Variants in PDZD2 observed in about 807,000 individuals in gnomAD.
The protein encoded by PDZD2 is PDZ domain-containing protein 2.
A neutral mutation model predicts 220.7 loss-of-function variants in PDZD2; 90 were observed. The ratio of observed to expected loss-of-function variants is 0.41; its 90% confidence interval spans 0.34 to 0.49. PDZD2 has a LOEUF of 0.49. Among genes scored for constraint, PDZD2 ranks in the 20% least tolerant of loss-of-function variants. The pLI, the probability that PDZD2 is intolerant of heterozygous loss-of-function variation, is 0.28. For missense variants in PDZD2, 3,174 were observed against 3,608.5 expected, an observed-to-expected ratio of 0.88 and a Z score of 3.08; for synonymous variants, 1,375 against 1,450.5, an observed-to-expected ratio of 0.95 and a Z score of 1.18.
chr5:31,668,226 C>T (rs141010500), intron 1 of PDZD2, among the ~76,000 whole-genome samples: 9 of 152,266 alleles, frequency 5.9e-5, no homozygotes, highest in African/African-American at 2.2e-4. Context: ...TCCAATCTTA[C>T]AGGAATTTGC....
chr5:31,901,415 C>CAA lies in PDZD2; in HGVS notation c.477-81726_477-81725dup, dbSNP rs11300764. Among the ~76,000 whole-genome samples, 722 of 136,440 alleles carry CAA rather than the reference C, an allele frequency of 5.3e-3. 8 individuals carry two copies. Among genetic ancestry groups the CAA allele is most frequent in the African/African-American group, 0.018 (664 of 36,466 alleles). 89.5% of individuals were successfully genotyped at this position (136,440 alleles called of 152,430 possible). A position where few individuals can be genotyped will look rare whatever the true frequency, so the allele number is the denominator to read the frequency against. On this transcript the variant is annotated intron_variant, in intron 2 of 24. Transcript: ENST00000438447. Reference sequence around the variant, plus strand: ...CCTGGGTGACAGAGCGAGACTGTCTCAAAAAAAAAAAAAAAGAAGAAGAAA... The same window carrying CAA: ...CCTGGGTGACAGAGCGAGACTGTCTCAAAAAAAAAAAAAAAAAGAAGAAGAAA...
intron 2 of PDZD2, among the ~76,000 whole-genome samples, chr5:31,979,739 T>C (rs1466596664): frequency 6.6e-6 from 1 of 152,212 alleles, no homozygotes; most frequent in Non-Finnish European, 1.5e-5. Flanking sequence ...ATGATCCATT[T>C]TAACACCCTC....
At chr5:31,725,476 A>C in intron 1 of PDZD2, 1 of 1,230,480 alleles carries the variant, frequency 8.1e-7, no homozygotes, top group Non-Finnish European at 1.1e-6. Context: ...TAAGTAAATA[A>C]AACTATGAGT....
chr5:31,800,822 C>T (rs923377878), intron 2 of PDZD2, among the ~76,000 whole-genome samples: 2 of 152,250 alleles, frequency 1.3e-5, no homozygotes, highest in African/African-American at 4.8e-5. Flanking sequence ...GAGTAAGGCT[C>T]CTATGTCCTA....
intron 2 of PDZD2, among the ~76,000 whole-genome samples, chr5:31,825,297 A>C (rs1325669117): frequency 6.6e-6 from 1 of 152,202 alleles, no homozygotes; most frequent in African/African-American, 2.4e-5. Flanking sequence ...GCAGACGTCA[A>C]GAGGAAGCTG....
At chr5:31,850,012 A>G in intron 2 of PDZD2, among the ~76,000 whole-genome samples, 1 of 107,588 alleles carries the variant, frequency 9.3e-6, no homozygotes, top group South Asian at 2.7e-4. Flanking sequence ...ATATATACAC[A>G]CACACGTATA....
intron 2 of PDZD2, among the ~76,000 whole-genome samples, chr5:31,883,646 T>G (rs2150339351): frequency 6.6e-6 from 1 of 150,832 alleles, no homozygotes; most frequent in Admixed American, 6.6e-5. Flanking sequence ...TGAGACAGAT[T>G]CTCACTCTGT....
chr5:31,862,990 G>T (rs1737863316), intron 2 of PDZD2, among the ~76,000 whole-genome samples: 1 of 152,092 alleles, frequency 6.6e-6, no homozygotes, highest in Non-Finnish European at 1.5e-5. Flanking sequence ...GCCTCCCAAG[G>T]CGTGGCAATC....
At chr5:31,701,390 G>T (rs1448208611) in intron 1 of PDZD2, among the ~76,000 whole-genome samples, 1 of 152,004 alleles carries the variant, frequency 6.6e-6, no homozygotes, top group African/African-American at 2.4e-5. Flanking sequence ...GTAAAGACAT[G>T]CCATGTTGCC....
At position 31,708,136 on chromosome 5, in the gene PDZD2, A is replaced by G. The variant is rs548348208; in HGVS notation, c.-361+68699A>G. On this transcript the variant is annotated intron_variant, in intron 1 of 24. Coordinates refer to ENST00000438447, the MANE Select transcript of PDZD2 (RefSeq NM_178140.4). ...TGAACCAATCAAGTCCAGTCTCTTCAATTTTGGTCTGGCGTTTTCACTGTA... is the reference window on the plus strand; with the variant it reads ...TGAACCAATCAAGTCCAGTCTCTTCGATTTTGGTCTGGCGTTTTCACTGTA... Among the ~76,000 whole-genome samples, 3 of 151,724 alleles carry G rather than the reference A, an allele frequency of 2.0e-5. No individual in the cohort carries two copies. The East Asian group carries it at 5.8e-4, about 29-fold the overall frequency.
At chr5:32,094,770 A>G (rs1561583786) in intron 21 of PDZD2, among the ~76,000 whole-genome samples, 1 of 152,032 alleles carries the variant, frequency 6.6e-6, no homozygotes, top group Non-Finnish European at 1.5e-5. Context: ...TCCTACCTAC[A>G]TGGGAATCTG....
intron 2 of PDZD2, among the ~76,000 whole-genome samples, chr5:31,871,746 G>T (rs1561529273): frequency 6.6e-6 from 1 of 152,190 alleles, no homozygotes; most frequent in African/African-American, 2.4e-5. Context: ...ACTGTGCCTG[G>T]CCCGTACTTG....
chr5:31,828,661 A>G (rs1472660693), intron 2 of PDZD2, among the ~76,000 whole-genome samples: 1 of 152,144 alleles, frequency 6.6e-6, no homozygotes, highest in East Asian at 1.9e-4. Flanking sequence ...ACACCTGGCT[A>G]ATTTTGTAAA....
intron 14 of PDZD2, among the ~76,000 whole-genome samples, chr5:32,068,867 A>T (rs566411435): frequency 3.4e-4 from 52 of 152,116 alleles, no homozygotes; most frequent in Non-Finnish European, 6.5e-4. Flanking sequence ...CTGTGTAGGG[A>T]GGACATGCAT....
At chr5:31,756,766 A>G (rs1045331227) in intron 1 of PDZD2, among the ~76,000 whole-genome samples, 6 of 152,266 alleles carry the variant, frequency 3.9e-5, no homozygotes, top group Non-Finnish European at 8.8e-5. Flanking sequence ...GGACACCTGC[A>G]CTGCCTTACA....
chr5:31,692,232 C>T (rs1365607169), intron 1 of PDZD2, among the ~76,000 whole-genome samples: 5 of 152,312 alleles, frequency 3.3e-5, no homozygotes, highest in South Asian at 4.1e-4. Flanking sequence ...TCTCACTGCC[C>T]GGGGCCGGTG....
intron 1 of PDZD2, among the ~76,000 whole-genome samples, chr5:31,756,281 T>G (rs940005925): frequency 6.6e-6 from 1 of 152,192 alleles, no homozygotes; most frequent in Non-Finnish European, 1.5e-5. Context: ...CGTCAGACTT[T>G]TCCTAAAGGC....
rs1320535283 is a variant in PDZD2, at chr5:31,740,105, A to C, written c.-360-58784A>C. On this transcript the variant is annotated intron_variant, in intron 1 of 24. Coordinates refer to ENST00000438447, the MANE Select transcript of PDZD2 (RefSeq NM_178140.4). ...GGACCACTTCCACCTCTCGGTAGCC[A>C]TTGCTTTGATTGTGCTTTGTCTTCA... Among the ~76,000 whole-genome samples, 3 of 152,218 alleles carry C rather than the reference A, an allele frequency of 2.0e-5. No homozygotes were observed. The East Asian group carries it at 5.8e-4, about 29-fold the overall frequency.
chr5:32,009,695 G>A (rs1753130697), intron 5 of PDZD2, among the ~76,000 whole-genome samples: 1 of 152,026 alleles, frequency 6.6e-6, no homozygotes, highest in Non-Finnish European at 1.5e-5. Flanking sequence ...TTGCACCACT[G>A]CACTCAGCCT....
Sources: allele counts gnomAD v4.1 joint callset (sites outside exome capture counted in the v4.1 genomes callset), GRCh38; gene constraint gnomAD v4.1.1; transcripts MANE v1.5; gene names NCBI Gene and HGNC (gene_info 2026-07-23, HGNC 2026-07-21).